Variants in TRABD2B observed in about 807,000 individuals in gnomAD.
The protein encoded by TRABD2B is metalloprotease TIKI2.
A neutral mutation model predicts 40.1 loss-of-function variants in TRABD2B; 14 were observed. The observed-to-expected ratio is 0.35, with a 90% CI of 0.23 to 0.55. The LOEUF is 0.55. Ranked by LOEUF, TRABD2B falls within the 20% of genes least tolerant of loss-of-function variation. TRABD2B has a pLI of 0.90. For missense variants in TRABD2B, 541 were observed against 648.6 expected (o/e 0.83, Z 1.80); for synonymous variants, 263 against 277.0 (o/e 0.95, Z 0.50).
intron 2 of TRABD2B, among the ~76,000 whole-genome samples, chr1:47,827,369 C>G (rs1427334277): frequency 6.6e-6 from 1 of 152,240 alleles, no homozygotes; most frequent in Non-Finnish European, 1.5e-5. Context: ...GTGGGACCAC[C>G]TAGGTTGGAA....
chr1:47,992,502 A>T (rs1646026400), intron 2 of TRABD2B, among the ~76,000 whole-genome samples: 1 of 152,072 alleles, frequency 6.6e-6, no homozygotes, highest in Non-Finnish European at 1.5e-5. Context: ...GTGCAAAGAG[A>T]GTGTTGAGAG....
chr1:47,974,322 G>A lies in TRABD2B; in HGVS notation c.666+19712C>T, dbSNP rs78466214. ...TTAAGCAGCCTCAGGTCCTTGGCACGTGCTGTTCCTTCTACCCAAAATGTG... is the reference window on the plus strand; with the variant it reads ...TTAAGCAGCCTCAGGTCCTTGGCACATGCTGTTCCTTCTACCCAAAATGTG... On this transcript the variant is annotated intron_variant, in intron 2 of 6. Transcript: ENST00000606738. 5.3e-3 allele frequency among the ~76,000 whole-genome samples: 806 copies of A among 152,010 alleles called. 9 individuals carry two copies. Among genetic ancestry groups the A allele is most frequent in the African/African-American group, 0.017 (708 of 41,454 alleles).
chr1:47,950,498 AAT>A (rs1375525399), intron 2 of TRABD2B, among the ~76,000 whole-genome samples: 2 of 152,196 alleles, frequency 1.3e-5, no homozygotes, highest in African/African-American at 4.8e-5. Flanking sequence ...GCAAAGTTAG[AAT>A]GAGATCAGAA....
intron 2 of TRABD2B, among the ~76,000 whole-genome samples, chr1:47,874,594 A>G (rs1252701502): frequency 6.7e-6 from 1 of 148,314 alleles, no homozygotes; most frequent in Non-Finnish European, 1.5e-5. Flanking sequence ...TTAAGAGACA[A>G]GGTCTCCCTG....
chr1:47,847,575 G>A (rs1645489040), intron 2 of TRABD2B, among the ~76,000 whole-genome samples: 2 of 152,184 alleles, frequency 1.3e-5, no homozygotes, highest in South Asian at 4.1e-4. Context: ...GTGGCTGCAG[G>A]AGTCAGCAGC....
intron 2 of TRABD2B, among the ~76,000 whole-genome samples, chr1:47,979,732 C>T (rs147911637): frequency 1.0e-3 from 158 of 152,330 alleles, no homozygotes; most frequent in African/African-American, 3.2e-3. Flanking sequence ...CCAGCAACGA[C>T]GTTAGAAATG....
At chr1:47,900,229 G>A (rs369272214) in intron 2 of TRABD2B, among the ~76,000 whole-genome samples, 1 of 152,054 alleles carries the variant, frequency 6.6e-6, no homozygotes, top group Non-Finnish European at 1.5e-5. Flanking sequence ...GGAAGATTGG[G>A]CTGGAGAGGC....
intron 2 of TRABD2B, among the ~76,000 whole-genome samples, chr1:47,925,618 C>G (rs1329064288): frequency 6.6e-6 from 1 of 152,172 alleles, no homozygotes; most frequent in Non-Finnish European, 1.5e-5. Context: ...GATGCTGGAG[C>G]CTCATGCTCT....
chr1:47,874,228 T>C (rs1273582491), intron 2 of TRABD2B, among the ~76,000 whole-genome samples: 1 of 151,732 alleles, frequency 6.6e-6, no homozygotes, highest in Non-Finnish European at 1.5e-5. Context: ...TCCCAGACTA[T>C]TTTATTTTTA....
intron 2 of TRABD2B, among the ~76,000 whole-genome samples, chr1:47,863,556 T>C (rs1291006813): frequency 6.6e-6 from 1 of 151,874 alleles, no homozygotes; most frequent in Non-Finnish European, 1.5e-5. Flanking sequence ...GACAATGAGA[T>C]ACCACTCAAC....
chr1:47,857,632 C>T (rs1158375599), intron 2 of TRABD2B, among the ~76,000 whole-genome samples: 1 of 152,162 alleles, frequency 6.6e-6, no homozygotes, highest in African/African-American at 2.4e-5. Context: ...TTCTGATCAA[C>T]ATCAGTTTCC....
intron 2 of TRABD2B, among the ~76,000 whole-genome samples, chr1:47,934,416 G>A (rs1414881350): frequency 6.6e-6 from 1 of 152,236 alleles, no homozygotes; most frequent in Non-Finnish European, 1.5e-5. Flanking sequence ...TCTTCTGGCA[G>A]TGCTGCTGCA....
intron 2 of TRABD2B, among the ~76,000 whole-genome samples, chr1:47,897,625 T>C (rs1644542018): frequency 6.6e-6 from 1 of 152,216 alleles, no homozygotes; most frequent in African/African-American, 2.4e-5. Context: ...CCTGTATTCA[T>C]CACCTTTCTT....
At chr1:47,787,748 C>A (rs1644616075) in intron 4 of TRABD2B, among the ~76,000 whole-genome samples, 1 of 152,094 alleles carries the variant, frequency 6.6e-6, no homozygotes, top group African/African-American at 2.4e-5. Context: ...GGCAGCATTT[C>A]TGTTTATGGA....
chr1:47,886,976 G>A (rs1452825032), intron 2 of TRABD2B, among the ~76,000 whole-genome samples: 1 of 152,060 alleles, frequency 6.6e-6, no homozygotes, highest in Non-Finnish European at 1.5e-5. Flanking sequence ...GTGGGGTGGC[G>A]CAGAGAAAGC....
At chr1:47,963,760 C>T (rs1296879588) in intron 2 of TRABD2B, among the ~76,000 whole-genome samples, 1 of 152,192 alleles carries the variant, frequency 6.6e-6, no homozygotes, top group Admixed American at 6.5e-5. Context: ...CCCTGGCAAC[C>T]GTCCTATGAA....
At chr1:47,886,303 T>C (rs1644369671) in intron 2 of TRABD2B, among the ~76,000 whole-genome samples, 2 of 152,340 alleles carry the variant, frequency 1.3e-5, no homozygotes, top group East Asian at 1.9e-4. Context: ...GCATATGCAC[T>C]GTTCAGCATG....
chr1:47,903,784 A>G (rs1644637593), intron 2 of TRABD2B, among the ~76,000 whole-genome samples: 2 of 152,218 alleles, frequency 1.3e-5, no homozygotes, highest in South Asian at 2.1e-4. Context: ...AATGGCTGCT[A>G]AATCCTGCAT....
chr1:47,792,589 T>C (rs1440871200), intron 4 of TRABD2B, among the ~76,000 whole-genome samples: 3 of 152,200 alleles, frequency 2.0e-5, no homozygotes, highest in Non-Finnish European at 2.9e-5. Flanking sequence ...TGTGCTGGCC[T>C]GTTGCTGGAG....
Sources: allele counts gnomAD v4.1 joint callset (sites outside exome capture counted in the v4.1 genomes callset), GRCh38; gene constraint gnomAD v4.1.1; transcripts MANE v1.5; gene names NCBI Gene and HGNC (gene_info 2026-07-23, HGNC 2026-07-21).